CLN6: variants seen among roughly 807,000 people sequenced by gnomAD.
The protein encoded by CLN6 is ceroid-lipofuscinosis neuronal protein 6.
Under a neutral mutation model 33.3 loss-of-function variants are expected in CLN6, and 22 were observed. The observed-to-expected ratio is 0.66, with a 90% CI of 0.47 to 0.94. The LOEUF (loss-of-function observed/expected upper bound fraction) is 0.94. Ranked by LOEUF, CLN6 falls within the 40% of genes least tolerant of loss-of-function variation. The pLI, the probability that CLN6 is intolerant of heterozygous loss-of-function variation, is 0.00. For missense variants in CLN6, 387 were observed against 417.1 expected, an observed-to-expected ratio of 0.93 and a Z score of 0.63; for synonymous variants, 201 against 174.6, an observed-to-expected ratio of 1.15 and a Z score of -1.19.
intron 1 of CLN6, among the ~76,000 whole-genome samples, chr15:68,225,843 G>T (rs2093250179): frequency 6.6e-6 from 1 of 151,800 alleles, no homozygotes; most frequent in East Asian, 1.9e-4. Context: ...CGTGATGGTG[G>T]GCACCTGTAA....
chr15:68,221,357 G>A lies in CLN6; in HGVS notation c.84-2707C>T, dbSNP rs537940896. Reference sequence around the variant, plus strand: ...CGTGATTCTCCTGCCTCGGCCTGCCGAGTGCCTGGGATCGCAGGCACACGC... The same window carrying A: ...CGTGATTCTCCTGCCTCGGCCTGCCAAGTGCCTGGGATCGCAGGCACACGC... On this transcript the variant is annotated intron_variant, in intron 1 of 6. Coordinates refer to ENST00000249806, the MANE Select transcript of CLN6 (RefSeq NM_017882.3). Among the ~76,000 whole-genome samples, 178 of 151,928 alleles carry A rather than the reference G, an allele frequency of 1.2e-3. 1 individual carries two copies. Among genetic ancestry groups the A allele is most frequent in the African/African-American group, 4.0e-3 (164 of 41,448 alleles).
rs1011655486 is a variant in CLN6 at position 68,228,658 on chromosome 15, T to A, written c.83+844A>T. ...TGTCTTCCCTGGGTCCCCTACCAAG[T>A]CCTCTGAGACTCAGCTCAAGTGCCA... On this transcript the variant is annotated intron_variant, in intron 1 of 6. Transcript: ENST00000249806. This position sits in a 1 kb window ranked among gnomAD's most constrained non-coding sequence, Gnocchi z 4.4. Among the ~76,000 whole-genome samples the A allele has an allele frequency of 2.0e-5, 3 of 151,922 alleles. No homozygotes were observed. The highest frequency in any genetic ancestry group is 7.3e-5 in the African/African-American group (3 of 41,354).
At position 68,253,346 on chromosome 15, in the gene CLN6, G is replaced by A. The variant is rs527984619; in HGVS notation, c.179+3344C>T. On this transcript the variant is annotated intron_variant, in intron 1 of 6. Transcript: ENST00000538696. ...TTGTTTTTATTTTTCCTTTCTTTCT[G>A]CCTGGTTATGTAACTATTTTTGCAA... is the stretch of plus-strand genomic sequence containing the variant. 1.8e-3 allele frequency among the ~76,000 whole-genome samples: 267 copies of A among 152,170 alleles called. 2 individuals are homozygous for A. Among genetic ancestry groups the A allele is most frequent in the African/African-American group, 6.3e-3 (263 of 41,504 alleles).
intron 1 of CLN6, among the ~76,000 whole-genome samples, chr15:68,240,998 CA>C (rs990023121): frequency 1.1e-4 from 14 of 124,702 alleles, no homozygotes; most frequent in East Asian, 2.1e-4. Flanking sequence ...AAAAAAAAAA[CA>C]AAAAAAAAAA....
At position 68,219,421 on chromosome 15, in the gene CLN6, A is replaced by G. The variant is rs2093229418; in HGVS notation, c.84-771T>C. Among the ~76,000 whole-genome samples the G allele has an allele frequency of 6.6e-6, 1 of 152,160 alleles. No homozygotes were observed. The highest frequency in any genetic ancestry group is 2.4e-5 in the African/African-American group (1 of 41,434). On this transcript the variant is annotated intron_variant, in intron 1 of 6. Coordinates refer to ENST00000249806, the MANE Select transcript of CLN6 (RefSeq NM_017882.3). The surrounding 1 kb of genome is among the most constrained non-coding windows in gnomAD (Gnocchi z 4.2). ...CAGCAGTCCACAGTAGAACCTGAGA[A>G]GGAGCCAGCAGAAGCAAGGTGATGT... is the stretch of plus-strand genomic sequence containing the variant.
In CLN6 at chr15:68,242,994, T is replaced by C. The variant is rs1339842141; in HGVS notation, c.179+13696A>G. ...GTTGCTAAGCGTTAACATTGTAATATGTAGTTGAGACGACTGCAGAAACAG... is the reference window on the plus strand; with the variant it reads ...GTTGCTAAGCGTTAACATTGTAATACGTAGTTGAGACGACTGCAGAAACAG... On this transcript the variant is annotated intron_variant, in intron 1 of 6. Transcript: ENST00000538696. This position sits in a 1 kb window ranked among gnomAD's most constrained non-coding sequence, Gnocchi z 5.0. Among the ~76,000 whole-genome samples, 1 of 152,226 alleles carries C rather than the reference T, an allele frequency of 6.6e-6. No homozygotes were observed. The highest frequency in any genetic ancestry group is 6.5e-5 in the Admixed American group (1 of 15,274).
intron 1 of CLN6, among the ~76,000 whole-genome samples, chr15:68,245,435 C>G (rs1483279144): frequency 1.3e-5 from 2 of 151,938 alleles, no homozygotes; most frequent in African/African-American, 4.8e-5. Flanking sequence ...TGTGGTAGCA[C>G]ATTCCTGTAG....
At chr15:68,250,743 C>T (rs1232066173) in intron 1 of CLN6, among the ~76,000 whole-genome samples, 2 of 151,788 alleles carry the variant, frequency 1.3e-5, no homozygotes, top group African/African-American at 4.8e-5. Context: ...TAAACATGCC[C>T]AAAACACTCA....
intron 2 of CLN6, chr15:68,215,049 G>A (rs1043271085): frequency 2.6e-5 from 4 of 155,328 alleles, no homozygotes; most frequent in African/African-American, 9.6e-5. Flanking sequence ...TCTCTCTTCT[G>A]AGCCCTGGCC....
rs1037873567 is a variant in CLN6, at chr15:68,215,586, C to T, written c.199-1198G>A. ...TCCTGGGCTCAAGCGATCCTCCCAC[C>T]TTGACCTCCCAAAGTGCTGGCATTA... On this transcript the variant is annotated intron_variant, in intron 2 of 6. Coordinates refer to ENST00000249806, the MANE Select transcript of CLN6 (RefSeq NM_017882.3). The T allele has an allele frequency of 3.3e-5, 5 of 152,086 alleles. No homozygotes were observed. In the South Asian group the frequency reaches 8.3e-4, roughly 25 times the overall value. 9.4% of individuals were successfully genotyped at this position (152,086 alleles called of 1,614,324 possible).
intron 1 of CLN6, among the ~76,000 whole-genome samples, chr15:68,235,112 G>A (rs987343217): frequency 6.6e-6 from 1 of 152,182 alleles, no homozygotes; most frequent in Non-Finnish European, 1.5e-5. Context: ...AGTGCTTAAT[G>A]TGTATTATCT....
At chr15:68,250,866 G>A (rs188480880) in intron 1 of CLN6, among the ~76,000 whole-genome samples, 24 of 152,212 alleles carry the variant, frequency 1.6e-4, no homozygotes, top group African/African-American at 5.5e-4. Context: ...GTTGGGGACT[G>A]TATTTGTATT....
At chr15:68,230,515 C>T (rs914427471), upstream of CLN6, among the ~76,000 whole-genome samples, 2 of 152,154 alleles carry the variant, frequency 1.3e-5, no homozygotes, top group Non-Finnish European at 2.9e-5. The surrounding 1 kb of genome is among the most constrained non-coding windows in gnomAD (Gnocchi z 4.0). Flanking sequence ...AACCAAAGGT[C>T]AAACCTGAGA....
At chr15:68,239,229 T>C (rs1239348430) in intron 1 of CLN6, among the ~76,000 whole-genome samples, 1 of 151,576 alleles carries the variant, frequency 6.6e-6, no homozygotes, top group East Asian at 1.9e-4. Context: ...AAAAAGGGTA[T>C]GGTAAAAATC....
At chr15:68,235,610 ATATATATATATATATATATATATC>A (rs1175631731) in intron 1 of CLN6, among the ~76,000 whole-genome samples, 2 of 10,148 alleles carry the variant, frequency 2.0e-4, no homozygotes, top group African/African-American at 2.4e-4. Flanking sequence ...ATATATATAT[ATATATATATATATATATATATATC>A]GATTAATCGA....
Position 68,211,595 on chromosome 15 carries a change from G to A in CLN6, c.486+80C>T. 1.2e-6 allele frequency: 2 copies of A among 1,604,248 alleles called. No homozygotes were observed. The highest frequency in any genetic ancestry group is 1.3e-5 in the African/African-American group (1 of 75,040). On this transcript the variant is annotated intron_variant, in intron 4 of 6. Coordinates refer to ENST00000249806, the MANE Select transcript of CLN6 (RefSeq NM_017882.3). This position sits in a 1 kb window ranked among gnomAD's most constrained non-coding sequence, Gnocchi z 5.9. ...TTGGTGAAAGGACAGGTGCGGCGAG[G>A]GGTGGGGGCCATTTCTTCAGCCTCC...
intron 3 of CLN6, 25 bp downstream of exon 3, chr15:68,214,265 G>C (rs749259550): frequency 6.5e-7 from 1 of 1,549,180 alleles, no homozygotes; most frequent in Admixed American, 1.7e-5. Context: ...GATGACAGGA[G>C]AGAGTGGGGG....
chr15:68,230,218 C>A (rs1306727038), upstream of CLN6, among the ~76,000 whole-genome samples: 1 of 151,998 alleles, frequency 6.6e-6, no homozygotes. The surrounding 1 kb of genome is among the most constrained non-coding windows in gnomAD (Gnocchi z 4.0). Flanking sequence ...GGTATGGTGA[C>A]TGGGACTCTG....
chr15:68,217,422 G>T lies in CLN6; in HGVS notation c.198+1114C>A, dbSNP rs549569958. Among the ~76,000 whole-genome samples, 7 of 152,232 alleles carry T rather than the reference G, an allele frequency of 4.6e-5. No homozygotes were observed. In the East Asian group the frequency reaches 1.2e-3, roughly 25 times the overall value. ...TTTACAAATCTTTTATAGAGACAGG[G>T]TCTCATTATATTGCCCTGACTGATC... On this transcript the variant is annotated intron_variant, in intron 2 of 6. Transcript: ENST00000249806.
Sources: gnomAD v4.1 joint callset for allele counts (sites outside exome capture counted in the v4.1 genomes callset) on GRCh38, gnomAD v4.1.1 for gene constraint, Gnocchi (gnomAD v3.1) non-coding constraint, MANE v1.5 for transcripts, NCBI Gene and HGNC (gene_info 2026-07-23, HGNC 2026-07-21) for gene names.